Variants in ADPRHL1 observed in about 807,000 individuals in gnomAD.
The protein encoded by ADPRHL1 is ADP-ribosylhydrolase like 1, also known as inactive ADP-ribosyltransferase ARH2.
ADPRHL1 carries 43 observed loss-of-function variants against 44.1 expected under a neutral mutation model. The ratio of observed to expected loss-of-function variants is 0.98; its 90% CI spans 0.76 to 1.26. The LOEUF (loss-of-function observed/expected upper bound fraction) is 1.26. ADPRHL1 is among the 50% of genes most tolerant of loss of function. ADPRHL1 has a pLI of 0.00. For synonymous variants in ADPRHL1, 878 were observed against 1,017.4 expected (o/e 0.86, Z 2.61); for missense variants, 2,022 against 2,496.9 (o/e 0.81, Z 4.05).
At position 113,408,318 on chromosome 13, in the gene ADPRHL1, G is replaced by A. The variant is rs117321399; in HGVS notation, c.1062-98C>T. On this transcript the variant is annotated intron_variant, in intron 7 of 7. Transcript: ENST00000612156. ...ATGGGGCAATCCCACCTTTTCAGGGGCCCCAAAAGTCTGGTAGGGAGAAAA... is the reference window on the plus strand; with the variant it reads ...ATGGGGCAATCCCACCTTTTCAGGGACCCCAAAAGTCTGGTAGGGAGAAAA... 23 of 1,190,468 alleles carry A rather than the reference G, an allele frequency of 1.9e-5. 1 individual carries two copies. The highest frequency in any genetic ancestry group is 2.1e-5 in the Non-Finnish European group (20 of 950,966). 73.7% of individuals were successfully genotyped at this position (1,190,468 alleles called of 1,614,324 possible).
intron 1 of ADPRHL1, among the ~76,000 whole-genome samples, chr13:113,445,256 G>A (rs2044128474): frequency 6.6e-6 from 1 of 152,262 alleles, no homozygotes; most frequent in South Asian, 2.1e-4. Context: ...GTTCTTATTT[G>A]CCATATTCCC....
intron 3 of ADPRHL1, among the ~76,000 whole-genome samples, chr13:113,430,574 A>C (rs1450214749): frequency 6.6e-6 from 1 of 152,128 alleles, no homozygotes; most frequent in African/African-American, 2.4e-5. Context: ...CAGTGACTGC[A>C]GCAGTGGTTG....
chr13:113,443,640 T>A (rs2044114370), intron 2 of ADPRHL1, among the ~76,000 whole-genome samples: 1 of 150,414 alleles, frequency 6.6e-6, no homozygotes, highest in Non-Finnish European at 1.5e-5. Flanking sequence ...AATAAATAAA[T>A]GATTAAAAAA....
rs1365675452 is a variant in ADPRHL1 at position 113,403,741 on chromosome 13, T to C, written c.5541A>G (p.Gly1847=). 4 of 1,232,458 alleles carry C rather than the reference T, an allele frequency of 3.2e-6. No homozygotes were observed. The highest frequency in any genetic ancestry group is 1.6e-5 in the African/African-American group (1 of 64,398). 76.3% of individuals were successfully genotyped at this position (1,232,458 alleles called of 1,614,324 possible). A position where few individuals can be genotyped will look rare whatever the true frequency, so the allele number is the denominator to read the frequency against. ...CCCCCAGGCCACTGCCCCCTGACTG[T>C]CCACCATCCCTGGGGGCTGGGCTTC... is the stretch of plus-strand genomic sequence containing the variant. ...GSRSPAPRDG[G]QSGGSGLGEP... Residue 1847 remains glycine, a synonymous_variant, in exon 8 of 8, where the codon GGA becomes GGG. Coordinates refer to ENST00000612156, the MANE Select transcript of ADPRHL1 (RefSeq NM_001394807.1).
chr13:113,449,199 A>G (rs2044162622), intron 1 of ADPRHL1: 1 of 1,030,516 alleles, frequency 9.7e-7, no homozygotes, highest in African/African-American at 1.7e-5. Context: ...GCTCACCCGG[A>G]AGGAGGCAGC....
rs1566470007 is a variant in ADPRHL1 at position 113,418,997 on chromosome 13, T to TTCCTTCCTTTCTTC, written c.1061+3828_1061+3829insGAAGAAAGGAAGGA. 1.2e-4 allele frequency among the ~76,000 whole-genome samples: 14 copies of TTCCTTCCTTTCTTC among 117,140 alleles called. 1 individual carries two copies. The highest frequency in any genetic ancestry group is 4.5e-4 in the African/African-American group (13 of 28,952). The allele number at this position is 117,140 out of a possible 152,430, so 76.8% of individuals were successfully genotyped here. On this transcript the variant is annotated intron_variant, in intron 7 of 7. Coordinates refer to ENST00000612156, the MANE Select transcript of ADPRHL1 (RefSeq NM_001394807.1). ...TCTTTTCCTTCCCTCCCTCCCTCCC[T>TTCCTTCCTTTCTTC]CCCTTCCTCCCTCCCTTCCTTCCTT...
intron 7 of ADPRHL1, among the ~76,000 whole-genome samples, chr13:113,414,477 C>A (rs1485553835): frequency 6.6e-6 from 1 of 151,022 alleles, no homozygotes; most frequent in Non-Finnish European, 1.5e-5. Flanking sequence ...GCTTCCCTCC[C>A]CTCTACAGCT....
rs1338406806 is a variant in ADPRHL1 at position 113,403,384 on chromosome 13, TG to T, written c.5897del (p.Pro1966GlnfsTer20). ...SVRASDTSEL[P>X]K is the part of the protein sequence containing the mutation. ...ACGGTGTGTACTCGGGGCCTCACTT[TG>T]GGAGCTCAGACGTGTCGCTGGCCCT... On this transcript the variant is annotated frameshift_variant, in exon 8 of 8. Transcript: ENST00000612156. LOFTEE classifies it high-confidence loss of function. 2.5e-5 allele frequency: 31 copies of T among 1,231,970 alleles called. No homozygotes were observed. Among genetic ancestry groups the T allele is most frequent in the Non-Finnish European group, 2.9e-5 (29 of 987,994 alleles). The allele number at this position is 1,231,970 out of a possible 1,614,324, so 76.3% of individuals were successfully genotyped here. A position where few individuals can be genotyped will look rare whatever the true frequency, so the allele number is the denominator to read the frequency against.
intron 2 of ADPRHL1, among the ~76,000 whole-genome samples, chr13:113,438,434 C>T (rs1595553028): frequency 6.6e-6 from 1 of 152,070 alleles, no homozygotes; most frequent in Non-Finnish European, 1.5e-5. Context: ...TGGCTTATGC[C>T]TGTAATCCCA....
chr13:113,422,949 C>G lies in ADPRHL1; in HGVS notation c.938G>C (p.Gly313Ala). 1 of 1,612,910 alleles carries G rather than the reference C, an allele frequency of 6.2e-7. No individual in the cohort carries two copies. The highest frequency in any genetic ancestry group is 2.2e-5 in the East Asian group (1 of 44,872). The change falls in exon 7 of 8, where the codon GGC (glycine) becomes GCC (alanine). Residue 313 changes from glycine to alanine, a missense_variant. Physicochemically the swap from Gly to Ala is moderately conservative, Grantham distance 60. Around this residue, in one of 8 missense-constraint regions of ADPRHL1, gnomAD observed 437 missense variants for 430.7 expected, o/e 1.01. Coordinates refer to ENST00000612156, the MANE Select transcript of ADPRHL1 (RefSeq NM_001394807.1). ...GESAATGTIA[G>A]CLFGLLYGLD... ...GCCGTACAGCAACCCGAACAGGCAG[C>G]CTGCAATGGTGCCCGTGGCCGCGCT...
chr13:113,410,685 C>T (rs1421014821), intron 7 of ADPRHL1, among the ~76,000 whole-genome samples: 2 of 148,934 alleles, frequency 1.3e-5, no homozygotes, highest in African/African-American at 5.1e-5. Flanking sequence ...ACTGCCCCAG[C>T]CAGAGGCCGC....
At chr13:113,446,286 A>G (rs887836838) in intron 1 of ADPRHL1, among the ~76,000 whole-genome samples, 2 of 149,966 alleles carry the variant, frequency 1.3e-5, no homozygotes, top group Non-Finnish European at 3.0e-5. Flanking sequence ...GTGGCTGTGA[A>G]CCTCCCAGAG....
At chr13:113,431,434 C>T (rs558296095) in intron 3 of ADPRHL1, among the ~76,000 whole-genome samples, 4 of 152,324 alleles carry the variant, frequency 2.6e-5, no homozygotes, top group South Asian at 2.1e-4. Context: ...GCTGCAGCAG[C>T]GGCAAGAGTC....
At chr13:113,431,515 G>T (rs575018476) in intron 3 of ADPRHL1, among the ~76,000 whole-genome samples, 1 of 152,342 alleles carries the variant, frequency 6.6e-6, no homozygotes, top group Non-Finnish European at 1.5e-5. Flanking sequence ...CCCGCGCAGG[G>T]TGGCTGCAGC....
At chr13:113,451,128 C>T (rs1404123510) in intron 1 of ADPRHL1, among the ~76,000 whole-genome samples, 1 of 152,230 alleles carries the variant, frequency 6.6e-6, no homozygotes, top group Non-Finnish European at 1.5e-5. Context: ...GCACTCTTGT[C>T]TTCTGGTCAC....
chr13:113,409,923 A>G lies in ADPRHL1; in HGVS notation c.1062-1703T>C. ...AAAAAAAAAAAGGAAGAAGCTGAGC[A>G]GGCTGAAAAGAGACCGGAAGGAAAT... On this transcript the variant is annotated intron_variant, in intron 7 of 7. Coordinates refer to ENST00000612156, the MANE Select transcript of ADPRHL1 (RefSeq NM_001394807.1). This position sits in a 1 kb window ranked among gnomAD's most constrained non-coding sequence, Gnocchi z 4.2. 3.1e-6 allele frequency: 3 copies of G among 961,294 alleles called. No individual in the cohort carries two copies. The highest frequency in any genetic ancestry group is 3.7e-6 in the Non-Finnish European group (3 of 809,188). 59.5% of individuals were successfully genotyped at this position (961,294 alleles called of 1,614,324 possible).
intron 7 of ADPRHL1, chr13:113,410,148 C>T (rs1239571456): frequency 1.1e-5 from 11 of 985,058 alleles, no homozygotes; most frequent in African/African-American, 5.2e-5. Context: ...GGACCCCACA[C>T]GGAGGAGTGG....
chr13:113,450,516 C>G (rs766502340), intron 1 of ADPRHL1, among the ~76,000 whole-genome samples: 1 of 152,012 alleles, frequency 6.6e-6, no homozygotes, highest in Non-Finnish European at 1.5e-5. Flanking sequence ...GGTAGTGGCC[C>G]CGAATGTCTG....
intron 7 of ADPRHL1, among the ~76,000 whole-genome samples, chr13:113,420,881 C>G (rs1158852259): frequency 3.4e-5 from 5 of 148,568 alleles, no homozygotes; most frequent in Admixed American, 6.7e-5. Flanking sequence ...GACCCGCCCA[C>G]CCCCGGGACC....
Sources: allele counts gnomAD v4.1 joint callset (sites outside exome capture counted in the v4.1 genomes callset), GRCh38; gene constraint gnomAD v4.1.1; regional missense constraint gnomAD v4.1.1; non-coding constraint Gnocchi (gnomAD v3.1); transcripts MANE v1.5; gene names NCBI Gene and HGNC (gene_info 2026-07-23, HGNC 2026-07-21).